The following MGAT5 variants were observed in gnomAD, a reference collection of about 807,000 sequenced individuals.
The protein encoded by MGAT5 is alpha-1,6-mannosylglycoprotein 6-beta-N-acetylglucosaminyltransferase A.
Under a neutral mutation model 94.3 loss-of-function variants are expected in MGAT5, and 30 were observed. The ratio of observed to expected loss-of-function variants is 0.32; its 90% CI spans 0.24 to 0.43. The LOEUF is 0.43. Ranked by LOEUF, MGAT5 falls within the 20% of genes least tolerant of loss-of-function variation. MGAT5 has a pLI of 1.00. For missense variants in MGAT5, 691 were observed against 905.5 expected (o/e 0.76, Z 3.04); for synonymous variants, 310 against 322.9 (o/e 0.96, Z 0.43).
At chr2:134,383,255 T>C (rs1444602622) in intron 10 of MGAT5, among the ~76,000 whole-genome samples, 1 of 152,240 alleles carries the variant, frequency 6.6e-6, no homozygotes, top group Non-Finnish European at 1.5e-5. Flanking sequence ...TCATCACCTA[T>C]TTCTCCCTCT....
intron 14 of MGAT5, among the ~76,000 whole-genome samples, chr2:134,435,046 T>C (rs943147287): frequency 4.6e-5 from 7 of 152,032 alleles, no homozygotes; most frequent in Non-Finnish European, 8.8e-5. Flanking sequence ...CAGTCCCGTA[T>C]CTCTCTCCTG....
intron 1 of MGAT5, among the ~76,000 whole-genome samples, chr2:134,185,264 G>T (rs1247588192): frequency 1.3e-5 from 2 of 152,156 alleles, no homozygotes; most frequent in African/African-American, 4.8e-5. Context: ...GTCATCGAGG[G>T]AATTCCAGAA....
chr2:134,404,804 T>C (rs1423093231), intron 11 of MGAT5, among the ~76,000 whole-genome samples: 3 of 152,252 alleles, frequency 2.0e-5, no homozygotes, highest in Non-Finnish European at 4.4e-5. Flanking sequence ...CTGATGACTG[T>C]TTTTTGTTAT....
rs1310521301 is a variant in MGAT5, at chr2:134,451,855, G to T, written c.*3008G>T. The T allele has an allele frequency of 6.6e-6, 1 of 152,194 alleles. No individual in the cohort carries two copies. Among genetic ancestry groups the T allele is most frequent in the East Asian group, 1.9e-4 (1 of 5,202 alleles). The allele number at this position is 152,194 out of a possible 1,614,324, so 9.4% of individuals were successfully genotyped here. A position where few individuals can be genotyped will look rare whatever the true frequency, so the allele number is the denominator to read the frequency against. ...CTGGTAAACACCGCATTTATTTTGT[G>T]TATGCAGTTTGATTTGCACATGTAT... On this transcript the variant is annotated 3_prime_UTR_variant, in exon 16 of 16. Transcript: ENST00000281923.
chr2:134,237,461 G>T (rs1681707720), intron 1 of MGAT5, among the ~76,000 whole-genome samples: 1 of 152,110 alleles, frequency 6.6e-6, no homozygotes, highest in South Asian at 2.1e-4. Flanking sequence ...TACTGGGGGA[G>T]GAGGATAAAG....
chr2:134,170,831 A>G (rs1341457553), intron 1 of MGAT5, among the ~76,000 whole-genome samples: 1 of 151,612 alleles, frequency 6.6e-6, no homozygotes, highest in Non-Finnish European at 1.5e-5. Flanking sequence ...AATCAGAAGC[A>G]CATAGTAGAT....
chr2:134,328,999 A>T (rs1687798244), intron 4 of MGAT5, among the ~76,000 whole-genome samples: 1 of 152,078 alleles, frequency 6.6e-6, no homozygotes. Flanking sequence ...CAGCCAATGA[A>T]GTTTGAATTT....
At chr2:134,338,583 A>G (rs1165398843) in intron 6 of MGAT5, among the ~76,000 whole-genome samples, 163 bp downstream of exon 6, 3 of 152,078 alleles carry the variant, frequency 2.0e-5, no homozygotes, top group Admixed American at 6.6e-5. Context: ...TCCTTTCCCC[A>G]CTTACAATGC....
intron 10 of MGAT5, among the ~76,000 whole-genome samples, chr2:134,383,855 A>G (rs897512856): frequency 3.2e-4 from 49 of 151,656 alleles, no homozygotes; most frequent in African/African-American, 1.2e-3. Context: ...AATTTTTTGT[A>G]TTTTTTAGTA....
In MGAT5 at chr2:134,450,784, G is replaced by GT. The variant is rs1491341413; in HGVS notation, c.*1938dup. The GT allele has an allele frequency of 5.9e-4, 6 of 10,254 alleles. No individual in the cohort carries two copies. Among genetic ancestry groups the GT allele is most frequent in the African/African-American group, 3.8e-3 (4 of 1,058 alleles). The allele number at this position is 10,254 out of a possible 1,614,324, so 0.6% of individuals were successfully genotyped here. Reference sequence around the variant, plus strand: ...GTCCAAAGGAAACCTTGGTGAGTGAGTGTGTGTGTGTGTGTGTGTGTGTGT... The same window carrying GT: ...GTCCAAAGGAAACCTTGGTGAGTGAGTTGTGTGTGTGTGTGTGTGTGTGTGT... On this transcript the variant is annotated 3_prime_UTR_variant, in exon 16 of 16. Transcript: ENST00000281923.
At chr2:134,178,411 G>A (rs1688580893) in intron 1 of MGAT5, among the ~76,000 whole-genome samples, 1 of 152,166 alleles carries the variant, frequency 6.6e-6, no homozygotes, top group African/African-American at 2.4e-5. Flanking sequence ...GATGGAAAGG[G>A]CATTGGGTCC....
chr2:134,277,270 G>A (rs1270584799), intron 2 of MGAT5, among the ~76,000 whole-genome samples: 2 of 151,990 alleles, frequency 1.3e-5, no homozygotes, highest in Non-Finnish European at 2.9e-5. Context: ...ATTGTTAGGA[G>A]GTATATTAGT....
At chr2:134,257,836 C>CTTTTTTTTTTTTTTTTTTTTTTTTTTTTT (rs10628858) in intron 1 of MGAT5, among the ~76,000 whole-genome samples, 1 of 106,414 alleles carries the variant, frequency 9.4e-6, no homozygotes, top group Non-Finnish European at 1.8e-5. Context: ...TTTGCAGTCT[C>CTTTTTTTTTTTTTTTTTTTTTTTTTTTTT]TTTTTTTTTT....
At chr2:134,239,911 C>G (rs1681878225) in intron 1 of MGAT5, among the ~76,000 whole-genome samples, 1 of 152,048 alleles carries the variant, frequency 6.6e-6, no homozygotes. Context: ...AGTGAGTCCA[C>G]TTTACTTCCT....
In MGAT5 at chr2:134,451,690, C is replaced by T. The variant is rs1258780497; in HGVS notation, c.*2843C>T. ...GTTTTTCCCCGCTATAATATCTTGC[C>T]TGTTTTTTTGGATTATTTTCCCCAT... On this transcript the variant is annotated 3_prime_UTR_variant, in exon 16 of 16. Transcript: ENST00000281923. 6.6e-6 allele frequency: 1 copy of T among 152,210 alleles called. No homozygotes were observed. The highest frequency in any genetic ancestry group is 1.9e-4 in the East Asian group (1 of 5,202). The allele number at this position is 152,210 out of a possible 1,614,324, so 9.4% of individuals were successfully genotyped here. A position where few individuals can be genotyped will look rare whatever the true frequency, so the allele number is the denominator to read the frequency against.
rs528225543 is a variant in MGAT5 at position 134,399,203 on chromosome 2, A to T, written c.1381-3785A>T. On this transcript the variant is annotated intron_variant, in intron 10 of 15. Coordinates refer to ENST00000281923, the MANE Select transcript of MGAT5 (RefSeq NM_002410.5). ...AAACATGTACAATTATTATCAATTT[A>T]AAAATGTTGTAAAATAAGTTGGGGA... is the stretch of plus-strand genomic sequence containing the variant. Among the ~76,000 whole-genome samples, 27 of 152,344 alleles carry T rather than the reference A, an allele frequency of 1.8e-4. No homozygotes were observed. In the East Asian group the frequency reaches 3.7e-3, roughly 21 times the overall value.
chr2:134,444,081 C>T (rs1685639945), intron 15 of MGAT5, among the ~76,000 whole-genome samples: 1 of 152,220 alleles, frequency 6.6e-6, no homozygotes, highest in Admixed American at 6.5e-5. Context: ...AATGGCCACT[C>T]CCCTCAGTTC....
At position 134,292,291 on chromosome 2, in the gene MGAT5, A is replaced by G. The variant is rs959835712; in HGVS notation, c.406+21741A>G. 4.6e-4 allele frequency among the ~76,000 whole-genome samples: 70 copies of G among 152,146 alleles called. 1 individual carries two copies. The highest frequency in any genetic ancestry group is 1.4e-3 in the African/African-American group (56 of 41,430). On this transcript the variant is annotated intron_variant, in intron 2 of 15. Transcript: ENST00000281923. ...ACAGGAAAACACATTCTGAGACCCAATGCCTTTTACTCAGTGCTGACTCTG... is the reference window on the plus strand; with the variant it reads ...ACAGGAAAACACATTCTGAGACCCAGTGCCTTTTACTCAGTGCTGACTCTG...
chr2:134,440,783 A>G (rs1220035518), intron 14 of MGAT5, among the ~76,000 whole-genome samples: 1 of 152,152 alleles, frequency 6.6e-6, no homozygotes, highest in Non-Finnish European at 1.5e-5. Flanking sequence ...GGGAGGAGGC[A>G]CTTCTTACGA....
Sources: allele counts gnomAD v4.1 joint callset (sites outside exome capture counted in the v4.1 genomes callset), GRCh38; gene constraint gnomAD v4.1.1; transcripts MANE v1.5; gene names NCBI Gene and HGNC (gene_info 2026-07-23, HGNC 2026-07-21).